PRIM2: variants seen among roughly 807,000 people sequenced by gnomAD.
The protein encoded by PRIM2 is DNA primase large subunit.
PRIM2 carries 39 observed loss-of-function variants against 67.3 expected under a neutral mutation model. The ratio of observed to expected loss-of-function variants is 0.58; its 90% confidence interval spans 0.45 to 0.76. The LOEUF is 0.76. PRIM2 is among the 30% of genes least tolerant of loss of function. The pLI is 0.00. For missense variants in PRIM2, 398 were observed against 598.7 expected, an observed-to-expected ratio of 0.66 and a Z score of 3.50; for synonymous variants, 143 against 198.7, an observed-to-expected ratio of 0.72 and a Z score of 2.36.
At chr6:57,480,525 A>AT (rs1241736786) in intron 7 of PRIM2, among the ~76,000 whole-genome samples, 1 of 152,194 alleles carries the variant, frequency 6.6e-6, no homozygotes, top group Non-Finnish European at 1.5e-5. Flanking sequence ...TTATGGATTC[A>AT]TGTAACCATC....
the PRIM2 span, among the ~76,000 whole-genome samples, chr6:57,265,242 C>T: frequency 6.6e-6 from 1 of 152,160 alleles, no homozygotes; most frequent in African/African-American, 2.4e-5. Context: ...AATGATCAGG[C>T]CATTATGCAG....
At position 57,320,491 on chromosome 6, in the gene PRIM2, T is replaced by A. The variant is rs1180906701; in HGVS notation, c.189T>A (p.Tyr63Ter). 2 of 1,609,854 alleles carry A rather than the reference T, an allele frequency of 1.2e-6. No individual in the cohort carries two copies. The highest frequency in any genetic ancestry group is 1.7e-6 in the Non-Finnish European group (2 of 1,178,866). Residue 63 changes from tyrosine to a stop codon, truncating the protein, a stop_gained, in exon 3 of 14, where the codon TAT becomes TAA. Transcript: ENST00000615550. LOFTEE classifies it high-confidence loss of function. ...LKSVENLGVS[Y>*]VKGTEQYQSK... ...CAGTTGAAAATCTTGGAGTGAGCTA[T>A]GTGAAAGGAACTGAACAATACCAGA...
At chr6:57,393,319 C>A (rs112830971) in intron 7 of PRIM2, among the ~76,000 whole-genome samples, 1 of 151,998 alleles carries the variant, frequency 6.6e-6, no homozygotes, top group East Asian at 1.9e-4. Flanking sequence ...GCCAACATCT[C>A]CTGTTTTTTG....
intron 5 of PRIM2, among the ~76,000 whole-genome samples, chr6:57,360,714 A>G (rs561532275): frequency 6.6e-6 from 1 of 152,202 alleles, no homozygotes; most frequent in Non-Finnish European, 1.5e-5. Flanking sequence ...GAGGCAAGAA[A>G]CAAAGTGAAC....
rs6913328 is a variant in PRIM2 at position 57,381,840 on chromosome 6, C to T, written c.556-191C>T. 705 of 243,106 alleles carry T rather than the reference C, an allele frequency of 2.9e-3. 7 individuals are homozygous for T. The highest frequency in any genetic ancestry group is 0.015 in the African/African-American group (669 of 43,172). 15.1% of individuals were successfully genotyped at this position (243,106 alleles called of 1,614,324 possible). On this transcript the variant is annotated intron_variant, in intron 6 of 13. Coordinates refer to ENST00000615550, the MANE Select transcript of PRIM2 (RefSeq NM_000947.5). The stretch of plus-strand genomic sequence containing the variant: ...ATTTTTCAAAACATCAACTCTGAAA[C>T]GAACATATTTTTGTACTGCCACTGT...
chr6:57,228,142 G>A, the PRIM2 span, among the ~76,000 whole-genome samples: 4 of 152,140 alleles, frequency 2.6e-5, no homozygotes, highest in African/African-American at 4.8e-5. Context: ...CAAAACTAGA[G>A]TTAGAAGCCA....
intron 7 of PRIM2, among the ~76,000 whole-genome samples, chr6:57,388,800 C>T (rs954812377): frequency 5.3e-5 from 8 of 152,166 alleles, no homozygotes; most frequent in Admixed American, 1.3e-4. Context: ...ATTCTGACCA[C>T]GTTAAGTAGA....
chr6:57,262,668 CTG>C, the PRIM2 span, among the ~76,000 whole-genome samples: 1 of 152,180 alleles, frequency 6.6e-6, no homozygotes, highest in East Asian at 1.9e-4. Context: ...CATTTGGCCT[CTG>C]TGGTGCAGAG....
intron 7 of PRIM2, among the ~76,000 whole-genome samples, chr6:57,438,897 C>T (rs78296755): frequency 9.9e-5 from 15 of 152,114 alleles, no homozygotes; most frequent in Admixed American, 3.9e-4. Context: ...CTCAGCCTCC[C>T]GAGTAGCGGC....
intron 7 of PRIM2, among the ~76,000 whole-genome samples, chr6:57,448,323 T>C (rs1772428985): frequency 6.6e-6 from 1 of 152,136 alleles, no homozygotes; most frequent in South Asian, 2.1e-4. Flanking sequence ...TTGTAGGTTT[T>C]TTGAGGCATC....
At chr6:57,430,426 T>C (rs1420227461) in intron 7 of PRIM2, among the ~76,000 whole-genome samples, 1 of 150,862 alleles carries the variant, frequency 6.6e-6, no homozygotes, top group East Asian at 1.9e-4. Context: ...ATGTTAGCTT[T>C]GTATAGGAGT....
the PRIM2 span, among the ~76,000 whole-genome samples, chr6:57,255,328 C>A: frequency 6.6e-6 from 1 of 152,008 alleles, no homozygotes; most frequent in African/African-American, 2.4e-5. Context: ...GAAACCCTGT[C>A]TCTACTAAAA....
At chr6:57,388,428 G>A (rs1316543222) in intron 7 of PRIM2, among the ~76,000 whole-genome samples, 2 of 152,176 alleles carry the variant, frequency 1.3e-5, no homozygotes, top group Non-Finnish European at 2.9e-5. Flanking sequence ...TGGTGGATTG[G>A]TTGTGAGAGA....
the PRIM2 span, among the ~76,000 whole-genome samples, chr6:57,271,490 T>C: frequency 6.6e-6 from 1 of 152,244 alleles, no homozygotes; most frequent in African/African-American, 2.4e-5. Flanking sequence ...TTTACCATTT[T>C]GTATTCCGTC....
the PRIM2 span, among the ~76,000 whole-genome samples, chr6:57,272,141 G>A: frequency 6.6e-6 from 1 of 152,146 alleles, no homozygotes; most frequent in African/African-American, 2.4e-5. Flanking sequence ...ATGTCTATTA[G>A]GTCAGCTTGG....
At chr6:57,639,790 A>C (rs1290797913) in intron 13 of PRIM2, among the ~76,000 whole-genome samples, 1 of 151,838 alleles carries the variant, frequency 6.6e-6, no homozygotes, top group Non-Finnish European at 1.5e-5. Flanking sequence ...TTCACAGACA[A>C]ATTCCACCAG....
chr6:57,519,406 G>A (rs1164191412), intron 8 of PRIM2, among the ~76,000 whole-genome samples: 2 of 152,206 alleles, frequency 1.3e-5, no homozygotes, highest in African/African-American at 4.8e-5. Flanking sequence ...ACGCCCAGGG[G>A]GGCCGTTCAT....
rs1174716526 is a variant in PRIM2 at position 57,626,141 on chromosome 6, T to C, written c.1231-5992T>C. On this transcript the variant is annotated intron_variant, in intron 12 of 13. Transcript: ENST00000615550. ...GAGTACAGCATACCTAGCTGTACAGTGCTCTGCTCACCAAAGCCAAAGATG... is the reference window on the plus strand; with the variant it reads ...GAGTACAGCATACCTAGCTGTACAGCGCTCTGCTCACCAAAGCCAAAGATG... Among the ~76,000 whole-genome samples the C allele has an allele frequency of 3.9e-5, 6 of 152,348 alleles. No homozygotes were observed. In the East Asian group the frequency reaches 9.6e-4, roughly 24 times the overall value.
intron 7 of PRIM2, among the ~76,000 whole-genome samples, chr6:57,417,000 T>C (rs1771285861): frequency 6.6e-6 from 1 of 150,876 alleles, no homozygotes; most frequent in Admixed American, 6.6e-5. Flanking sequence ...AGAGTCTTGC[T>C]CTGTCACTCA....
Sources: allele counts gnomAD v4.1 joint callset (sites outside exome capture counted in the v4.1 genomes callset), GRCh38; gene constraint gnomAD v4.1.1; transcripts MANE v1.5; gene names NCBI Gene and HGNC (gene_info 2026-07-23, HGNC 2026-07-21).